KLHL29: variants seen among roughly 807,000 people sequenced by gnomAD.
The protein encoded by KLHL29 is kelch like family member 29.
KLHL29 carries 21 observed loss-of-function variants against 80.4 expected under a neutral mutation model. The observed-to-expected ratio is 0.26, with a 90% CI of 0.19 to 0.38. KLHL29 has a LOEUF of 0.38. Ranked by LOEUF, KLHL29 falls within the 10% of genes least tolerant of loss-of-function variation. KLHL29 has a pLI of 1.00. For synonymous variants in KLHL29, 511 were observed against 526.8 expected (o/e 0.97, Z 0.41); for missense variants, 867 against 1,223.9 (o/e 0.71, Z 4.35).
intron 3 of KLHL29, among the ~76,000 whole-genome samples, chr2:23,612,752 A>G (rs1368419800): frequency 4.6e-5 from 7 of 152,228 alleles, no homozygotes; most frequent in Admixed American, 4.6e-4. Context: ...AAAAAAGAAA[A>G]GAAAAGGAAA....
At chr2:23,520,764 A>G (rs1486945006) in intron 2 of KLHL29, among the ~76,000 whole-genome samples, 1 of 152,240 alleles carries the variant, frequency 6.6e-6, no homozygotes. Context: ...TCTTAGTACA[A>G]CACAAATCTC....
intron 1 of KLHL29, among the ~76,000 whole-genome samples, chr2:23,387,974 C>A (rs1182036080): frequency 1.3e-5 from 2 of 152,100 alleles, no homozygotes; most frequent in African/African-American, 4.8e-5. Context: ...CTCGGTCTCT[C>A]GGTTATGGAA....
chr2:23,478,885 T>C (rs897770645), intron 2 of KLHL29, among the ~76,000 whole-genome samples: 1 of 152,034 alleles, frequency 6.6e-6, no homozygotes, highest in African/African-American at 2.4e-5. Context: ...GAGAACACCA[T>C]GGGCCATGTC....
At position 23,592,846 on chromosome 2, in the gene KLHL29, G is replaced by A. The variant is rs113376667; in HGVS notation, c.285+30365G>A. ...CCGGTGACCTTCTGCAGGTAAGCTG[G>A]TGTCCCCTCCCTGCAGGCACGTTGG... On this transcript the variant is annotated intron_variant, in intron 3 of 13. Coordinates refer to ENST00000486442, the MANE Select transcript of KLHL29 (RefSeq NM_052920.2). Among the ~76,000 whole-genome samples, 1,441 of 152,280 alleles carry A rather than the reference G, an allele frequency of 9.5e-3. 16 individuals are homozygous for A. Among genetic ancestry groups the A allele is most frequent in the Middle Eastern group, 0.02 (6 of 294 alleles).
At chr2:23,592,374 AG>A (rs2103516964) in intron 3 of KLHL29, among the ~76,000 whole-genome samples, 1 of 152,360 alleles carries the variant, frequency 6.6e-6, no homozygotes, top group South Asian at 2.1e-4. Flanking sequence ...CTAGAGGCTG[AG>A]CCCTGCTGTC....
At chr2:23,530,270 C>T (rs146854406) in intron 2 of KLHL29, among the ~76,000 whole-genome samples, 14 of 152,328 alleles carry the variant, frequency 9.2e-5, no homozygotes, top group African/African-American at 1.7e-4. Context: ...AGGAGGAGCT[C>T]GTAAGCCCTT....
At chr2:23,693,564 G>A in intron 8 of KLHL29, 36 bp downstream of exon 8, 5 of 1,533,844 alleles carry the variant, frequency 3.3e-6, no homozygotes, top group Non-Finnish European at 4.4e-6. Context: ...CTTCTCTCTG[G>A]GTTTGGGGTC....
chr2:23,538,374 TTCTC>T (rs976166584), intron 2 of KLHL29, among the ~76,000 whole-genome samples: 5 of 152,238 alleles, frequency 3.3e-5, no homozygotes, highest in Non-Finnish European at 7.3e-5. Flanking sequence ...GAATTCCTAA[TTCTC>T]CCTCCTATCT....
chr2:23,386,976 G>A (rs181374568), intron 1 of KLHL29, among the ~76,000 whole-genome samples: 12 of 152,284 alleles, frequency 7.9e-5, no homozygotes, highest in African/African-American at 2.6e-4. Context: ...GAACCAAGCG[G>A]CAGACGCGGT....
chr2:23,412,910 A>G (rs745999625), intron 1 of KLHL29, among the ~76,000 whole-genome samples: 10 of 152,182 alleles, frequency 6.6e-5, no homozygotes, highest in Non-Finnish European at 1.0e-4. Flanking sequence ...ACTGCTTCCA[A>G]GTCACCTTTC....
Position 23,630,162 on chromosome 2 carries a change from C to T in KLHL29, c.286-8977C>T, listed in dbSNP as rs74973090. ...AGGTGGGCAGCACCAGGAGTGGGAG[C>T]CAGGGAGATAACAGCTAGCCCCAGT... is the stretch of plus-strand genomic sequence containing the variant. On this transcript the variant is annotated intron_variant, in intron 3 of 13. Transcript: ENST00000486442. Among the ~76,000 whole-genome samples the T allele has an allele frequency of 1.0e-3, 155 of 152,312 alleles. 6 individuals carry two copies. In the East Asian group the frequency reaches 0.028, roughly 28 times the overall value.
intron 1 of KLHL29, among the ~76,000 whole-genome samples, chr2:23,446,251 T>C (rs1663673959): frequency 6.6e-6 from 1 of 151,846 alleles, no homozygotes; most frequent in African/African-American, 2.4e-5. Flanking sequence ...TCCAGTTTTG[T>C]TTTTCCAAAA....
intron 2 of KLHL29, among the ~76,000 whole-genome samples, chr2:23,525,734 C>CCG (rs1553335089): frequency 4.4e-5 from 2 of 45,974 alleles, no homozygotes; most frequent in Admixed American, 2.2e-4. Flanking sequence ...CTGCCCCCCC[C>CCG]CCCCACCCGA....
At chr2:23,448,196 G>T (rs932326339) in intron 1 of KLHL29, among the ~76,000 whole-genome samples, 1 of 152,090 alleles carries the variant, frequency 6.6e-6, no homozygotes, top group African/African-American at 2.4e-5. Context: ...GAATATACTA[G>T]ATGTCCCCAG....
chr2:23,410,777 C>G (rs563769441), intron 1 of KLHL29, among the ~76,000 whole-genome samples: 1 of 152,070 alleles, frequency 6.6e-6, no homozygotes, highest in East Asian at 1.9e-4. Flanking sequence ...CTGGCTGAGT[C>G]AAGAATGGAG....
At chr2:23,564,545 G>C (rs550148881) in intron 3 of KLHL29, among the ~76,000 whole-genome samples, 4 of 152,336 alleles carry the variant, frequency 2.6e-5, no homozygotes, top group East Asian at 3.9e-4. Context: ...AGCACTGGGT[G>C]GGGGGAAGGG....
At chr2:23,442,044 T>C (rs1270054856) in intron 1 of KLHL29, among the ~76,000 whole-genome samples, 1 of 152,100 alleles carries the variant, frequency 6.6e-6, no homozygotes, top group Non-Finnish European at 1.5e-5. Context: ...GCTCTTGAGG[T>C]GGAGAAGCTA....
rs370354704 is a variant in KLHL29 at position 23,628,451 on chromosome 2, G to A, written c.286-10688G>A. ...AGAGCCCACTTCTTCCCCTGGGGTC[G>A]TTGGGAGTCATCTCCATGCAGGCCT... On this transcript the variant is annotated intron_variant, in intron 3 of 13. Transcript: ENST00000486442. 3.3e-3 allele frequency among the ~76,000 whole-genome samples: 500 copies of A among 152,238 alleles called. 1 individual carries two copies. The highest frequency in any genetic ancestry group is 4.7e-3 in the Non-Finnish European group (318 of 68,010).
Position 23,642,320 on chromosome 2 carries a change from C to T in KLHL29, c.428-18C>T. On this transcript the variant is annotated intron_variant, in intron 4 of 13. Coordinates refer to ENST00000486442, the MANE Select transcript of KLHL29 (RefSeq NM_052920.2). ...AAAATGTAACCGGCAGATGACGTTT[C>T]TTCCATCTCCCTTGCAGGCACAGGG... 7.2e-7 allele frequency: 1 copy of T among 1,395,294 alleles called. No individual in the cohort carries two copies. 86.4% of individuals were successfully genotyped at this position (1,395,294 alleles called of 1,614,324 possible).
Sources: allele counts gnomAD v4.1 joint callset (sites outside exome capture counted in the v4.1 genomes callset), GRCh38; gene constraint gnomAD v4.1.1; transcripts MANE v1.5; gene names NCBI Gene and HGNC (gene_info 2026-07-23, HGNC 2026-07-21).